Variants in PHLPP1 observed in about 807,000 individuals in gnomAD.
PHLPP1 encodes the protein PH domain leucine-rich repeat-containing protein phosphatase 1.
A neutral mutation model predicts 117.2 loss-of-function variants in PHLPP1; 42 were observed. The observed-to-expected ratio is 0.36, with a 90% CI of 0.28 to 0.46. PHLPP1 has a LOEUF of 0.46. Among genes scored for constraint, PHLPP1 ranks in the 20% least tolerant of loss-of-function variants. The pLI is 1.00. For missense variants in PHLPP1, 2,084 were observed against 2,241.9 expected (o/e 0.93, Z 1.42); for synonymous variants, 1,042 against 970.7 (o/e 1.07, Z -1.37).
At chr18:62,833,022 A>G (rs1264182267) in intron 2 of PHLPP1, among the ~76,000 whole-genome samples, 4 of 152,160 alleles carry the variant, frequency 2.6e-5, no homozygotes, top group Admixed American at 2.6e-4. Flanking sequence ...TGCAGTTTTA[A>G]TGTTGTATTT....
At chr18:62,732,914 T>A (rs1368761874) in intron 1 of PHLPP1, among the ~76,000 whole-genome samples, 1 of 152,222 alleles carries the variant, frequency 6.6e-6, no homozygotes, top group Non-Finnish European at 1.5e-5. Flanking sequence ...ACTGAATTGC[T>A]GCAATCTCAT....
chr18:62,921,797 T>C (rs775723824), intron 10 of PHLPP1, among the ~76,000 whole-genome samples: 60 of 152,214 alleles, frequency 3.9e-4, no homozygotes, highest in Non-Finnish European at 4.1e-4. Context: ...GTGTCCAACT[T>C]TTAAGCCTAC....
intron 1 of PHLPP1, among the ~76,000 whole-genome samples, chr18:62,773,332 A>G (rs1378357410): frequency 6.6e-6 from 1 of 152,206 alleles, no homozygotes; most frequent in Non-Finnish European, 1.5e-5. Context: ...GAACGTTGTC[A>G]AAGCCCTTCA....
intron 1 of PHLPP1, among the ~76,000 whole-genome samples, chr18:62,739,986 A>G (rs1911475646): frequency 1.3e-5 from 2 of 152,184 alleles, no homozygotes. Flanking sequence ...GGGCCATCCT[A>G]AAGCACCTTA....
intron 1 of PHLPP1, among the ~76,000 whole-genome samples, chr18:62,739,447 T>G (rs1911459586): frequency 2.0e-5 from 3 of 152,120 alleles, no homozygotes; most frequent in African/African-American, 7.2e-5. Flanking sequence ...TTGTATTGAT[T>G]TGGGTTTTAG....
At chr18:62,717,751 C>T (rs563198296) in intron 1 of PHLPP1, among the ~76,000 whole-genome samples, 4 of 152,104 alleles carry the variant, frequency 2.6e-5, no homozygotes, top group Non-Finnish European at 5.9e-5. Context: ...TCAACTGGTG[C>T]CTTTGTTTAT....
intron 2 of PHLPP1, among the ~76,000 whole-genome samples, chr18:62,834,832 T>C (rs1233737858): frequency 6.6e-6 from 1 of 151,282 alleles, no homozygotes; most frequent in Non-Finnish European, 1.5e-5. Context: ...CCCTTTGTTC[T>C]CCTTTCCTCC....
intron 1 of PHLPP1, among the ~76,000 whole-genome samples, chr18:62,743,013 A>T (rs1204607365): frequency 1.3e-5 from 2 of 152,138 alleles, no homozygotes; most frequent in African/African-American, 4.8e-5. Flanking sequence ...GGAATACAGC[A>T]TTCTAATTTG....
chr18:62,873,561 CTGTT>C (rs1482577203), intron 4 of PHLPP1, among the ~76,000 whole-genome samples: 2 of 152,128 alleles, frequency 1.3e-5, no homozygotes, highest in African/African-American at 4.8e-5. Context: ...CTGGCTTTTG[CTGTT>C]TGTAAGTAAA....
intron 1 of PHLPP1, among the ~76,000 whole-genome samples, chr18:62,797,423 A>G (rs1443834635): frequency 2.0e-5 from 3 of 152,226 alleles, no homozygotes; most frequent in Non-Finnish European, 2.9e-5. Flanking sequence ...GGCAGAAGAA[A>G]TAACCAATAA....
chr18:62,893,119 A>G (rs1916468420), intron 4 of PHLPP1, among the ~76,000 whole-genome samples: 1 of 149,694 alleles, frequency 6.7e-6, no homozygotes, highest in African/African-American at 2.5e-5. Context: ...TCGGTTCACC[A>G]CAACCTCTGT....
intron 12 of PHLPP1, among the ~76,000 whole-genome samples, chr18:62,952,335 A>G (rs763534172): frequency 5.3e-5 from 8 of 152,190 alleles, no homozygotes; most frequent in African/African-American, 2.4e-5. Flanking sequence ...TAAAGTCAAA[A>G]TTTGCAGATA....
intron 1 of PHLPP1, among the ~76,000 whole-genome samples, chr18:62,720,121 T>C (rs1910871825): frequency 6.6e-6 from 1 of 152,184 alleles, no homozygotes; most frequent in Admixed American, 6.5e-5. Flanking sequence ...AAGTATTTAA[T>C]ATCCTTTTAA....
At chr18:62,782,896 G>T (rs1231720227) in intron 1 of PHLPP1, among the ~76,000 whole-genome samples, 1 of 152,060 alleles carries the variant, frequency 6.6e-6, no homozygotes, top group Admixed American at 6.5e-5. Context: ...TTGACTTCCA[G>T]TGGTCTGTTT....
intron 14 of PHLPP1, among the ~76,000 whole-genome samples, chr18:62,970,901 C>T (rs575279657): frequency 6.6e-6 from 1 of 152,292 alleles, no homozygotes. Flanking sequence ...ATTTCCTTTT[C>T]CATTTCTTTA....
rs144488586 is a variant in PHLPP1 at position 62,807,720 on chromosome 18, G to C, written c.1577-22315G>C. 2.1e-3 allele frequency among the ~76,000 whole-genome samples: 317 copies of C among 152,284 alleles called. 1 individual carries two copies. The highest frequency in any genetic ancestry group is 7.2e-3 in the African/African-American group (299 of 41,556). ...ATATTGTAGGCAGTTGTAACACAAT[G>C]GGAAGTATTAGTGTATCTAAACTTC... On this transcript the variant is annotated intron_variant, in intron 1 of 16. Coordinates refer to ENST00000262719, the MANE Select transcript of PHLPP1 (RefSeq NM_194449.4).
At chr18:62,758,049 C>A (rs17732599) in intron 1 of PHLPP1, among the ~76,000 whole-genome samples, 1 of 152,154 alleles carries the variant, frequency 6.6e-6, no homozygotes, top group Non-Finnish European at 1.5e-5. Flanking sequence ...GCATGCATTT[C>A]GACCCCATGA....
chr18:62,933,621 T>G (rs1179709161), intron 10 of PHLPP1, among the ~76,000 whole-genome samples: 2 of 152,098 alleles, frequency 1.3e-5, no homozygotes, highest in African/African-American at 4.8e-5. Context: ...AAAGATGGAT[T>G]AAAAACTTAA....
intron 12 of PHLPP1, among the ~76,000 whole-genome samples, chr18:62,945,772 A>G (rs896032880): frequency 2.0e-5 from 3 of 152,228 alleles, no homozygotes; most frequent in Non-Finnish European, 2.9e-5. Flanking sequence ...ATTGATTTCA[A>G]CGGAATGAAA....
Sources: gnomAD v4.1 joint callset for allele counts (sites outside exome capture counted in the v4.1 genomes callset) on GRCh38, gnomAD v4.1.1 for gene constraint, MANE v1.5 for transcripts, NCBI Gene and HGNC (gene_info 2026-07-23, HGNC 2026-07-21) for gene names.